The following PTPRD variants were observed in gnomAD, a reference collection of about 807,000 sequenced individuals.
The protein encoded by PTPRD is receptor-type tyrosine-protein phosphatase delta.
In PTPRD, 34 loss-of-function variants were observed where a neutral mutation model predicts 214.5. The ratio of observed to expected loss-of-function variants is 0.16; its 90% CI spans 0.12 to 0.21. PTPRD has a LOEUF of 0.21. Ranked by LOEUF, PTPRD falls within the 10% of genes least tolerant of loss-of-function variation. The probability of loss-of-function intolerance (pLI) is 1.00; values close to 1 mark genes in which losing one functional copy is unlikely to be tolerated. For missense variants in PTPRD, 2,545 were observed against 2,398.7 expected (o/e 1.06, Z -1.27); for synonymous variants, 1,128 against 845.7 (o/e 1.33, Z -5.79).
At chr9:10,565,225 T>A (rs1452778540) in intron 2 of PTPRD, among the ~76,000 whole-genome samples, 1 of 152,106 alleles carries the variant, frequency 6.6e-6, no homozygotes, top group Non-Finnish European at 1.5e-5. Flanking sequence ...ATCTGCCAAA[T>A]CATTCAAACA....
intron 2 of PTPRD, among the ~76,000 whole-genome samples, chr9:10,379,016 T>G (rs543646001): frequency 1.3e-5 from 2 of 152,140 alleles, no homozygotes; most frequent in African/African-American, 4.8e-5. Flanking sequence ...TAGTTTTCAT[T>G]ATAGAGATCT....
intron 5 of PTPRD, among the ~76,000 whole-genome samples, chr9:9,815,406 A>G (rs187590566): frequency 1.1e-4 from 16 of 152,316 alleles, no homozygotes; most frequent in African/African-American, 3.6e-4. Context: ...AACTAAAGCT[A>G]TAAAACTAAA....
chr9:10,282,289 C>A (rs1380594145), intron 3 of PTPRD, among the ~76,000 whole-genome samples: 1 of 152,016 alleles, frequency 6.6e-6, no homozygotes, highest in African/African-American at 2.4e-5. Context: ...TGACTCATAA[C>A]GGATATGGAA....
chr9:8,483,517 C>A (rs994979564), intron 30 of PTPRD, among the ~76,000 whole-genome samples: 2 of 152,168 alleles, frequency 1.3e-5, no homozygotes, highest in African/African-American at 4.8e-5. Flanking sequence ...CTTTGGGAGG[C>A]TGAGGTAGGT....
At chr9:8,894,032 C>T (rs750936801) in intron 11 of PTPRD, among the ~76,000 whole-genome samples, 6 of 152,132 alleles carry the variant, frequency 3.9e-5, no homozygotes, top group Non-Finnish European at 8.8e-5. Flanking sequence ...AAGATACGCA[C>T]ACAATGGAAT....
chr9:9,086,963 A>G (rs1446715284), intron 10 of PTPRD, among the ~76,000 whole-genome samples: 1 of 152,208 alleles, frequency 6.6e-6, no homozygotes, highest in African/African-American at 2.4e-5. Context: ...AAAGAGAAAT[A>G]ATGAAAAACA....
intron 11 of PTPRD, among the ~76,000 whole-genome samples, chr9:8,770,555 C>G (rs979504355): frequency 3.3e-5 from 5 of 152,118 alleles, no homozygotes; most frequent in East Asian, 3.9e-4. Flanking sequence ...GTCAATCCCT[C>G]TAGGAAACTG....
In PTPRD at chr9:8,483,169, A is replaced by G. The variant is rs1591655144; in HGVS notation, c.3413+950T>C. Among the ~76,000 whole-genome samples, 3 of 152,140 alleles carry G rather than the reference A, an allele frequency of 2.0e-5. No individual in the cohort carries two copies. In the East Asian group the frequency reaches 5.8e-4, roughly 29 times the overall value. ...GTCCTTGGACAAACTTATTTAATTG[A>G]CTGGATTTAATTTTCCACTTCAGGC... On this transcript the variant is annotated intron_variant, in intron 30 of 45. Transcript: ENST00000381196.
rs182076433 is a variant in PTPRD at position 8,520,016 on chromosome 9, A to G, written c.961+1261T>C. On this transcript the variant is annotated intron_variant, in intron 20 of 45. Coordinates refer to ENST00000381196, the MANE Select transcript of PTPRD (RefSeq NM_002839.4). ...TTGTCAAGGGAATTTACTGAAAATA[A>G]TAATAAAATGAAATTTGTTTAAATA... 5.0e-3 allele frequency among the ~76,000 whole-genome samples: 761 copies of G among 152,316 alleles called. 5 individuals carry two copies. Among genetic ancestry groups the G allele is most frequent in the Non-Finnish European group, 8.9e-3 (604 of 68,014 alleles).
chr9:8,341,050 T>A (rs2132416161), intron 41 of PTPRD, 40 bp downstream of exon 41: 2 of 1,525,666 alleles, frequency 1.3e-6, no homozygotes, highest in Non-Finnish European at 1.8e-6. Context: ...CACATGTAAA[T>A]ATCAAGGCTT....
At chr9:9,231,343 T>C (rs1170210808) in intron 9 of PTPRD, among the ~76,000 whole-genome samples, 1 of 152,136 alleles carries the variant, frequency 6.6e-6, no homozygotes. Flanking sequence ...AATACAATAC[T>C]CTCTTGCAAA....
At chr9:9,629,052 T>C (rs1304447891) in intron 7 of PTPRD, among the ~76,000 whole-genome samples, 3 of 151,584 alleles carry the variant, frequency 2.0e-5, no homozygotes, top group East Asian at 3.9e-4. Flanking sequence ...TGTGCACCTG[T>C]AATCCCAGCT....
At chr9:8,319,767 C>A in intron 45 of PTPRD, 64 bp downstream of exon 45, 1 of 1,593,822 alleles carries the variant, frequency 6.3e-7, no homozygotes. Context: ...GTATGGAGTC[C>A]GGGAGGTCCA....
At chr9:10,367,900 A>G (rs1175959056) in intron 2 of PTPRD, among the ~76,000 whole-genome samples, 1 of 151,926 alleles carries the variant, frequency 6.6e-6, no homozygotes, top group African/African-American at 2.4e-5. Flanking sequence ...AATCTGCTTT[A>G]CATGTATATT....
At position 8,581,913 on chromosome 9, in the gene PTPRD, CAAAAAAAAAAAA is replaced by C. The variant is rs36007156; in HGVS notation, c.352+51392_352+51403del. Reference sequence around the variant, plus strand: ...GGATGACAGAGCATGACTCAATCTCCAAAAAAAAAAAAAAAAAAAAAAAAAAAAAGAGGGAAA... The same window carrying C: ...GGATGACAGAGCATGACTCAATCTCCAAAAAAAAAAAAAAAAAGAGGGAAA... On this transcript the variant is annotated intron_variant, in intron 14 of 45. Coordinates refer to ENST00000381196, the MANE Select transcript of PTPRD (RefSeq NM_002839.4). 8.7e-3 allele frequency among the ~76,000 whole-genome samples: 304 copies of C among 34,968 alleles called. 1 individual carries two copies. The highest frequency in any genetic ancestry group is 0.028 in the South Asian group (14 of 498). 22.9% of individuals were successfully genotyped at this position (34,968 alleles called of 152,430 possible).
chr9:9,088,867 G>C (rs377342262), intron 10 of PTPRD, among the ~76,000 whole-genome samples: 1 of 152,100 alleles, frequency 6.6e-6, no homozygotes, highest in Non-Finnish European at 1.5e-5. Context: ...AATGTCTGTA[G>C]TCTCTGTTTC....
At chr9:9,955,763 TAGC>T (rs2093871862) in intron 4 of PTPRD, among the ~76,000 whole-genome samples, 1 of 152,108 alleles carries the variant, frequency 6.6e-6, no homozygotes. Flanking sequence ...GACCTCGTGA[TAGC>T]CCGCCTCGGC....
chr9:9,306,997 C>G (rs1957350051), intron 9 of PTPRD, among the ~76,000 whole-genome samples: 1 of 152,112 alleles, frequency 6.6e-6, no homozygotes, highest in Non-Finnish European at 1.5e-5. Flanking sequence ...ACAAAAAGTG[C>G]TGGTGAAGTA....
At chr9:9,424,971 C>T (rs7028632) in intron 8 of PTPRD, among the ~76,000 whole-genome samples, 122,547 of 152,122 alleles carry the variant, frequency 0.81, 49,486 homozygotes, top group Non-Finnish European at 0.81. Context: ...TGGACTGGGT[C>T]TGTGACTTGC....
Sources: allele counts gnomAD v4.1 joint callset (sites outside exome capture counted in the v4.1 genomes callset), GRCh38; gene constraint gnomAD v4.1.1; transcripts MANE v1.5; gene names NCBI Gene and HGNC (gene_info 2026-07-23, HGNC 2026-07-21).